CENPW: variants seen among roughly 807,000 people sequenced by gnomAD.
CENPW encodes the protein cancer-up-regulated gene 2 protein.
CENPW carries 3 observed loss-of-function variants against 11.1 expected under a neutral mutation model. That is an observed-to-expected ratio of 0.27 (90% CI 0.12 to 0.70). The LOEUF (loss-of-function observed/expected upper bound fraction) is 0.70. Among genes scored for constraint, CENPW ranks in the 30% least tolerant of loss-of-function variants. The pLI is 0.77. For missense variants in CENPW, 100 were observed against 105.6 expected (o/e 0.95, Z 0.23); for synonymous variants, 38 against 42.0 (o/e 0.91, Z 0.37).
the CENPW span, among the ~76,000 whole-genome samples, chr6:126,454,044 G>A: frequency 6.6e-6 from 1 of 151,248 alleles, no homozygotes; most frequent in African/African-American, 2.4e-5. Context: ...ATATATGCAT[G>A]AGCACAGGAG....
At chr6:126,449,113 T>C in the CENPW span, among the ~76,000 whole-genome samples, 2 of 151,080 alleles carry the variant, frequency 1.3e-5, no homozygotes, top group African/African-American at 2.4e-5. Flanking sequence ...AAAACAAACC[T>C]TCTTTGATCT....
At chr6:126,457,279 C>T in the CENPW span, among the ~76,000 whole-genome samples, 1 of 151,464 alleles carries the variant, frequency 6.6e-6, no homozygotes, top group South Asian at 2.1e-4. Context: ...CATTGCAGCA[C>T]TATTCACAAT....
chr6:126,474,007 ATATT>A, the CENPW span, among the ~76,000 whole-genome samples: 1 of 148,430 alleles, frequency 6.7e-6, no homozygotes, highest in African/African-American at 2.4e-5. Context: ...TAGAATATAT[ATATT>A]CTATGTATAT....
At chr6:126,463,898 T>C in the CENPW span, among the ~76,000 whole-genome samples, 1 of 152,134 alleles carries the variant, frequency 6.6e-6, no homozygotes, top group South Asian at 2.1e-4. Context: ...CATAAATGCT[T>C]CCAAAAATTT....
the CENPW span, among the ~76,000 whole-genome samples, chr6:126,478,257 A>G: frequency 6.6e-6 from 1 of 151,954 alleles, no homozygotes; most frequent in African/African-American, 2.4e-5. Flanking sequence ...GAAGTGGCCA[A>G]TCTGAGTGAA....
At chr6:126,374,611 T>C in the CENPW span, among the ~76,000 whole-genome samples, 13 of 152,184 alleles carry the variant, frequency 8.5e-5, no homozygotes, top group African/African-American at 3.1e-4. Context: ...ACCTGACAGC[T>C]CAGAGAGTTA....
At chr6:126,417,367 G>C in the CENPW span, among the ~76,000 whole-genome samples, 1 of 152,318 alleles carries the variant, frequency 6.6e-6, no homozygotes, top group East Asian at 1.9e-4. Context: ...GGACTTTTGA[G>C]TTAATGTTGA....
the CENPW span, among the ~76,000 whole-genome samples, chr6:126,354,375 T>C: frequency 6.6e-6 from 1 of 152,132 alleles, no homozygotes; most frequent in Non-Finnish European, 1.5e-5. Context: ...CGAACACTAA[T>C]CTTTGACATG....
chr6:126,450,784 A>T, the CENPW span, among the ~76,000 whole-genome samples: 1 of 150,940 alleles, frequency 6.6e-6, no homozygotes, highest in Admixed American at 6.6e-5. Flanking sequence ...GCTGCATCTA[A>T]CAATTGTCAA....
the CENPW span, among the ~76,000 whole-genome samples, chr6:126,430,638 G>C: frequency 6.6e-6 from 1 of 152,036 alleles, no homozygotes; most frequent in African/African-American, 2.4e-5. Context: ...AGGAAAGGTC[G>C]GTTGTTATCT....
the CENPW span, among the ~76,000 whole-genome samples, chr6:126,393,192 C>T: frequency 6.6e-6 from 1 of 151,322 alleles, no homozygotes; most frequent in African/African-American, 2.4e-5. Flanking sequence ...TTTTTTTAGT[C>T]TTGCTACAGA....
chr6:126,445,234 A>ATACAGGG, the CENPW span, among the ~76,000 whole-genome samples: 2 of 151,106 alleles, frequency 1.3e-5, no homozygotes, highest in African/African-American at 4.8e-5. Context: ...GCTTTCTCCC[A>ATACAGGG]TACAGGGGCT....
the CENPW span, among the ~76,000 whole-genome samples, chr6:126,480,665 G>A: frequency 7.9e-5 from 12 of 152,082 alleles, no homozygotes; most frequent in South Asian, 6.2e-4. Context: ...AGGAAATGCC[G>A]TGGAATTAAG....
chr6:126,387,678 T>C, the CENPW span, among the ~76,000 whole-genome samples: 1 of 151,926 alleles, frequency 6.6e-6, no homozygotes, highest in African/African-American at 2.4e-5. Flanking sequence ...AACTAAGAGG[T>C]TTCTACCGAT....
the CENPW span, among the ~76,000 whole-genome samples, chr6:126,467,608 G>A: frequency 6.6e-6 from 1 of 152,026 alleles, no homozygotes; most frequent in Non-Finnish European, 1.5e-5. Context: ...AAATATTCAT[G>A]AGTCTATACT....
the CENPW span, among the ~76,000 whole-genome samples, chr6:126,375,397 G>A: frequency 6.6e-6 from 1 of 152,194 alleles, no homozygotes; most frequent in Non-Finnish European, 1.5e-5. Flanking sequence ...TTTTATGCAG[G>A]TCATTTTAGA....
chr6:126,374,960 A>G, the CENPW span, among the ~76,000 whole-genome samples: 27 of 152,182 alleles, frequency 1.8e-4, 1 homozygote, highest in Admixed American at 1.0e-3. Flanking sequence ...TCTACAAGAT[A>G]CCCCTAAATC....
the CENPW span, among the ~76,000 whole-genome samples, chr6:126,364,487 T>G: frequency 6.6e-6 from 1 of 152,156 alleles, no homozygotes; most frequent in Non-Finnish European, 1.5e-5. Flanking sequence ...CTTCTCCTAC[T>G]CTCTCCAGAG....
the CENPW span, among the ~76,000 whole-genome samples, chr6:126,455,015 C>T: frequency 1.3e-5 from 2 of 151,360 alleles, no homozygotes; most frequent in East Asian, 3.9e-4. Flanking sequence ...CAAGATTAAA[C>T]CAGGAAGAAA....
Sources: gnomAD v4.1 joint callset for allele counts (sites outside exome capture counted in the v4.1 genomes callset) on GRCh38, gnomAD v4.1.1 for gene constraint, MANE v1.5 for transcripts, NCBI Gene and HGNC (gene_info 2026-07-23, HGNC 2026-07-21) for gene names.